GBE1: variants seen among roughly 807,000 people sequenced by gnomAD.
GBE1 encodes the protein 1,4-alpha-glucan branching enzyme 1.
A neutral mutation model predicts 88.8 loss-of-function variants in GBE1; 70 were observed. The ratio of observed to expected loss-of-function variants is 0.79; its 90% confidence interval spans 0.65 to 0.96. GBE1 has a LOEUF of 0.96. Among genes scored for constraint, GBE1 ranks in the 40% least tolerant of loss-of-function variants. The pLI, the probability that GBE1 is intolerant of heterozygous loss-of-function variation, is 0.00. For synonymous variants in GBE1, 284 were observed against 300.1 expected, an observed-to-expected ratio of 0.95 and a Z score of 0.56; for missense variants, 872 against 871.0, an observed-to-expected ratio of 1.00 and a Z score of -0.01.
chr3:81,593,117 C>T (rs1445097980), intron 8 of GBE1, among the ~76,000 whole-genome samples: 3 of 151,994 alleles, frequency 2.0e-5, no homozygotes, highest in African/African-American at 4.8e-5. Flanking sequence ...AATCCCAGCA[C>T]TTTGGGAGGC....
intron 1 of GBE1, among the ~76,000 whole-genome samples, chr3:81,750,584 TATAC>T (rs377337869): frequency 0.11 from 6,424 of 60,062 alleles, 712 homozygotes; most frequent in Non-Finnish European, 0.14. Context: ...TACGTATATA[TATAC>T]GTATATATAT....
At chr3:81,619,806 C>T (rs972770791) in intron 7 of GBE1, among the ~76,000 whole-genome samples, 1 of 152,010 alleles carries the variant, frequency 6.6e-6, no homozygotes, top group African/African-American at 2.4e-5. Flanking sequence ...TGGCTTTTCA[C>T]ATTTATTTTG....
intron 15 of GBE1, among the ~76,000 whole-genome samples, chr3:81,492,705 T>TCCC (rs1217634239): frequency 2.8e-5 from 4 of 141,496 alleles, no homozygotes; most frequent in African/African-American, 5.4e-5. Flanking sequence ...TCTCCCTTTC[T>TCCC]TCCTTTCCTT....
intron 10 of GBE1, 118 bp from the exon 11 acceptor site, chr3:81,581,393 C>T: frequency 1.6e-6 from 1 of 610,532 alleles, no homozygotes; most frequent in Non-Finnish European, 2.8e-6. Flanking sequence ...ACATATTAGT[C>T]CACCCATATA....
intron 7 of GBE1, among the ~76,000 whole-genome samples, chr3:81,629,018 G>GTTTTTTTTTTTTTTTTTTTTTTTTTTTTT (rs34707682): frequency 2.0e-5 from 2 of 98,002 alleles, no homozygotes; most frequent in African/African-American, 4.4e-5. Context: ...TTATGTTTAA[G>GTTTTTTTTTTTTTTTTTTTTTTTTTTTTT]TTTTTTTTTT....
At chr3:81,582,951 C>T (rs1373903107) in intron 10 of GBE1, among the ~76,000 whole-genome samples, 1 of 151,882 alleles carries the variant, frequency 6.6e-6, no homozygotes, top group Non-Finnish European at 1.5e-5. Context: ...AAGCATCAGA[C>T]TAGGAGAAAA....
intron 7 of GBE1, among the ~76,000 whole-genome samples, chr3:81,607,330 C>A (rs1704116804): frequency 6.6e-6 from 1 of 152,158 alleles, no homozygotes. Context: ...GTGGGTGGAT[C>A]ATGAGGTCAG....
chr3:81,588,830 C>G (rs1703835197), intron 9 of GBE1, among the ~76,000 whole-genome samples: 1 of 152,108 alleles, frequency 6.6e-6, no homozygotes, highest in South Asian at 2.1e-4. Context: ...AAGCCTTCTT[C>G]TACGGCAATA....
intron 12 of GBE1, among the ~76,000 whole-genome samples, chr3:81,537,448 C>G (rs780234202): frequency 2.6e-5 from 4 of 152,018 alleles, no homozygotes; most frequent in Non-Finnish European, 5.9e-5. Context: ...ATATCTATTT[C>G]TATAATCTCT....
chr3:81,563,149 C>T (rs189600593), intron 12 of GBE1, among the ~76,000 whole-genome samples: 2 of 152,024 alleles, frequency 1.3e-5, no homozygotes, highest in South Asian at 2.1e-4. Flanking sequence ...TGGCAGAGTC[C>T]GGTATTCAGT....
chr3:81,552,045 G>A (rs1016510634), intron 12 of GBE1, among the ~76,000 whole-genome samples: 1 of 152,186 alleles, frequency 6.6e-6, no homozygotes, highest in Non-Finnish European at 1.5e-5. Flanking sequence ...AGTAATAGCT[G>A]AATGAGCTAT....
At chr3:81,623,064 C>T (rs759987176) in intron 7 of GBE1, among the ~76,000 whole-genome samples, 4 of 152,106 alleles carry the variant, frequency 2.6e-5, no homozygotes, top group Non-Finnish European at 5.9e-5. Context: ...TGATCCAAAC[C>T]TTTTAAAAGC....
At chr3:81,636,817 G>T (rs182813051) in intron 7 of GBE1, among the ~76,000 whole-genome samples, 1 of 151,964 alleles carries the variant, frequency 6.6e-6, no homozygotes, top group South Asian at 2.1e-4. Flanking sequence ...GGTGTGAGCC[G>T]CCATGTCCAG....
chr3:81,581,123 A>G, intron 11 of GBE1, 42 bp downstream of exon 11: 2 of 1,127,698 alleles, frequency 1.8e-6, no homozygotes, highest in Non-Finnish European at 2.6e-6. Context: ...GGAGGAAGAG[A>G]GAGAGAGAGA....
intron 1 of GBE1, among the ~76,000 whole-genome samples, chr3:81,708,902 T>C (rs969993943): frequency 6.6e-6 from 1 of 152,056 alleles, no homozygotes; most frequent in Non-Finnish European, 1.5e-5. Flanking sequence ...TCACAGATAG[T>C]GTTATTCAAG....
chr3:81,695,408 G>A (rs1360057407), intron 2 of GBE1, among the ~76,000 whole-genome samples: 1 of 152,212 alleles, frequency 6.6e-6, no homozygotes, highest in Non-Finnish European at 1.5e-5. Context: ...CCAGATGTAT[G>A]ATTCCATTTA....
intron 3 of GBE1, among the ~76,000 whole-genome samples, chr3:81,656,750 G>T (rs144127461): frequency 6.6e-6 from 1 of 152,104 alleles, no homozygotes; most frequent in Non-Finnish European, 1.5e-5. Context: ...GTACTAATAC[G>T]TTACAGTGAA....
intron 10 of GBE1, 64 bp from the exon 11 acceptor site, chr3:81,581,339 A>G (rs1703728283): frequency 2.2e-6 from 2 of 921,912 alleles, no homozygotes; most frequent in Non-Finnish European, 3.3e-6. Flanking sequence ...TTTAAATCAC[A>G]ATCTGAAGTT....
intron 14 of GBE1, among the ~76,000 whole-genome samples, chr3:81,510,817 A>C (rs1004125607): frequency 6.6e-6 from 1 of 152,106 alleles, no homozygotes; most frequent in African/African-American, 2.4e-5. Flanking sequence ...TAAGATGAAT[A>C]AGTTCTGAAG....
Sources: allele counts gnomAD v4.1 joint callset (sites outside exome capture counted in the v4.1 genomes callset), GRCh38; gene constraint gnomAD v4.1.1; transcripts MANE v1.5; gene names NCBI Gene and HGNC (gene_info 2026-07-23, HGNC 2026-07-21).